Variants in SPAG16 observed in about 807,000 individuals in gnomAD.
SPAG16 encodes sperm-associated antigen 16 protein.
SPAG16 carries 86 observed loss-of-function variants against 80.4 expected under a neutral mutation model. The observed-to-expected ratio is 1.07, with a 90% confidence interval of 0.90 to 1.28. The LOEUF (loss-of-function observed/expected upper bound fraction) is 1.28. Among genes scored for constraint, SPAG16 ranks in the 50% most tolerant of loss-of-function variants. SPAG16 has a pLI of 0.00. For missense variants in SPAG16, 870 were observed against 765.3 expected, an observed-to-expected ratio of 1.14 and a Z score of -1.61; for synonymous variants, 294 against 265.9, an observed-to-expected ratio of 1.11 and a Z score of -1.03.
chr2:213,838,814 A>G (rs1559511182), intron 10 of SPAG16, among the ~76,000 whole-genome samples: 2 of 152,164 alleles, frequency 1.3e-5, no homozygotes, highest in Non-Finnish European at 2.9e-5. Context: ...GGGATTGGCT[A>G]TTATCTCTCG....
At chr2:213,631,224 T>A (rs1408351539) in intron 10 of SPAG16, among the ~76,000 whole-genome samples, 1 of 152,132 alleles carries the variant, frequency 6.6e-6, no homozygotes, top group Admixed American at 6.5e-5. Context: ...TTTGAAAATG[T>A]TTTTAAGTGG....
chr2:213,817,562 G>T (rs868081048), intron 10 of SPAG16, among the ~76,000 whole-genome samples: 69 of 151,968 alleles, frequency 4.5e-4, no homozygotes, highest in African/African-American at 1.5e-3. Context: ...ATTTACAATA[G>T]GAAAGACATA....
At chr2:213,613,763 C>T (rs552554163) in intron 10 of SPAG16, among the ~76,000 whole-genome samples, 1 of 152,102 alleles carries the variant, frequency 6.6e-6, no homozygotes, top group African/African-American at 2.4e-5. Context: ...ACTGTAGCTC[C>T]AGTTCTTGAT....
intron 15 of SPAG16, among the ~76,000 whole-genome samples, chr2:214,203,104 G>T (rs2058052619): frequency 6.6e-6 from 1 of 151,976 alleles, no homozygotes; most frequent in Non-Finnish European, 1.5e-5. Flanking sequence ...CACACTAAAT[G>T]AAAAATACAG....
chr2:214,226,794 G>A (rs959327681), intron 15 of SPAG16, among the ~76,000 whole-genome samples: 1 of 152,034 alleles, frequency 6.6e-6, no homozygotes, highest in African/African-American at 2.4e-5. Flanking sequence ...AAAAAGACAA[G>A]GCAATTTCTG....
chr2:213,903,035 C>G (rs1475055170), intron 11 of SPAG16, among the ~76,000 whole-genome samples: 2 of 152,210 alleles, frequency 1.3e-5, no homozygotes, highest in Non-Finnish European at 2.9e-5. Context: ...TTCCCATGGT[C>G]TTGGGCAGCT....
At chr2:213,285,316 C>T (rs1423630734) in intron 1 of SPAG16, among the ~76,000 whole-genome samples, 1 of 152,074 alleles carries the variant, frequency 6.6e-6, no homozygotes, top group Non-Finnish European at 1.5e-5. Flanking sequence ...AATTGAATAA[C>T]AATGTGTGGA....
chr2:213,298,879 T>C (rs901755036), intron 3 of SPAG16, among the ~76,000 whole-genome samples: 1 of 152,250 alleles, frequency 6.6e-6, no homozygotes, highest in Non-Finnish European at 1.5e-5. Context: ...AACAGTATTA[T>C]GCTGAAAATT....
At position 213,310,062 on chromosome 2, in the gene SPAG16, C is replaced by T. The variant is rs149873191; in HGVS notation, c.283C>T (p.Arg95Trp). The part of the protein sequence containing the change: ...EQATDTEILE[R>W]KTVLPSKHAV... Reference sequence around the variant, plus strand: ...TAAATGCACGTTTAAATTTCAGGAACGGAAAACAGTTCTTCCTTCAAAGCA... The same window carrying T: ...TAAATGCACGTTTAAATTTCAGGAATGGAAAACAGTTCTTCCTTCAAAGCA... Residue 95 changes from arginine to tryptophan, a missense_variant, in exon 4 of 16, where the codon CGG (arginine) becomes TGG (tryptophan). Arg to Trp is a moderately radical substitution (Grantham distance 101). Transcript: ENST00000331683. The T allele has an allele frequency of 4.3e-5, 69 of 1,590,512 alleles. No homozygotes were observed. The South Asian group carries it at 4.4e-4, about 10-fold the overall frequency.
chr2:213,985,562 T>C (rs1215773335), intron 12 of SPAG16, among the ~76,000 whole-genome samples: 3 of 152,108 alleles, frequency 2.0e-5, no homozygotes, highest in South Asian at 2.1e-4. Context: ...CTGAATCTGA[T>C]ACTTTAAAGC....
At chr2:213,493,522 T>C (rs2074354604) in intron 10 of SPAG16, among the ~76,000 whole-genome samples, 1 of 152,200 alleles carries the variant, frequency 6.6e-6, no homozygotes, top group African/African-American at 2.4e-5. Context: ...TACACGATGC[T>C]TCCCATCAGC....
At chr2:213,521,951 A>G (rs1467152722) in intron 10 of SPAG16, among the ~76,000 whole-genome samples, 3 of 152,240 alleles carry the variant, frequency 2.0e-5, no homozygotes, top group Non-Finnish European at 4.4e-5. Flanking sequence ...TTTTGGGAGT[A>G]TCATTGGAAA....
In SPAG16 at chr2:213,349,329, T is replaced by C. The variant is rs1242362756; in HGVS notation, c.645-1199T>C. Among the ~76,000 whole-genome samples the C allele has an allele frequency of 1.2e-4, 18 of 152,066 alleles. No homozygotes were observed. In the East Asian group the frequency reaches 3.3e-3, roughly 28 times the overall value. ...AAGAAATGAAAAATAAGAGCTGAAA[T>C]CAATAAAATAGCAAATGGACAAACA... On this transcript the variant is annotated intron_variant, in intron 6 of 15. Transcript: ENST00000331683.
At chr2:213,393,996 T>G (rs2067907348) in intron 9 of SPAG16, among the ~76,000 whole-genome samples, 1 of 152,174 alleles carries the variant, frequency 6.6e-6, no homozygotes, top group Non-Finnish European at 1.5e-5. Context: ...ATTCTATTAA[T>G]GCGGATATCT....
chr2:213,713,222 G>T (rs2066083489), intron 10 of SPAG16, among the ~76,000 whole-genome samples: 1 of 152,146 alleles, frequency 6.6e-6, no homozygotes, highest in African/African-American at 2.4e-5. Flanking sequence ...ATGGGATTTG[G>T]GTGAGGACAC....
intron 15 of SPAG16, among the ~76,000 whole-genome samples, chr2:214,269,049 T>A (rs190316396): frequency 6.6e-6 from 1 of 152,152 alleles, no homozygotes; most frequent in Admixed American, 6.5e-5. Flanking sequence ...CTTTTCAATA[T>A]CTTCTGGGAA....
chr2:213,879,538 T>C (rs1435473918), intron 11 of SPAG16, among the ~76,000 whole-genome samples: 3 of 152,080 alleles, frequency 2.0e-5, no homozygotes, highest in African/African-American at 7.2e-5. Flanking sequence ...ATTTTATACA[T>C]AGGGAGTACA....
chr2:213,790,313 A>G (rs2070613543), intron 10 of SPAG16, among the ~76,000 whole-genome samples: 2 of 151,828 alleles, frequency 1.3e-5, no homozygotes, highest in Admixed American at 1.3e-4. Context: ...CCTCATCTCC[A>G]ACTCTCAACT....
chr2:214,275,977 CTGTATTGGGTGCATA>C (rs1692435270), intron 15 of SPAG16, among the ~76,000 whole-genome samples: 2 of 152,074 alleles, frequency 1.3e-5, no homozygotes, highest in Admixed American at 6.5e-5. Context: ...CTGGGTGCTC[CTGTATTGGGTGCATA>C]TATATTTAGG....
Sources: allele counts gnomAD v4.1 joint callset (sites outside exome capture counted in the v4.1 genomes callset), GRCh38; gene constraint gnomAD v4.1.1; transcripts MANE v1.5; gene names NCBI Gene and HGNC (gene_info 2026-07-23, HGNC 2026-07-21).